Variants in ZNF407 observed in about 807,000 individuals in gnomAD.
ZNF407 encodes zinc finger protein 407.
ZNF407 carries 17 observed loss-of-function variants against 131.2 expected under a neutral mutation model. That is an observed-to-expected ratio of 0.13 (90% CI 0.09 to 0.19). The LOEUF (loss-of-function observed/expected upper bound fraction) is 0.19, where lower values mean the gene tolerates loss of function less well. Ranked by LOEUF, ZNF407 falls within the 10% of genes least tolerant of loss-of-function variation. The pLI is 1.00. For synonymous variants in ZNF407, 1,156 were observed against 1,062.0 expected (o/e 1.09, Z -1.72); for missense variants, 2,681 against 2,830.6 (o/e 0.95, Z 1.20).
chr18:74,743,150 A>G (rs1968589066), intron 3 of ZNF407, among the ~76,000 whole-genome samples: 2 of 152,122 alleles, frequency 1.3e-5, no homozygotes, highest in Admixed American at 1.3e-4. Context: ...AAAATAGAGA[A>G]CGCTGGAGAA....
intron 8 of ZNF407, among the ~76,000 whole-genome samples, chr18:74,953,516 T>C (rs1193994510): frequency 6.6e-6 from 1 of 152,206 alleles, no homozygotes; most frequent in Non-Finnish European, 1.5e-5. Context: ...TCCAGATTGC[T>C]AATTTCCCTT....
At chr18:74,989,156 C>T (rs1429956841) in intron 8 of ZNF407, among the ~76,000 whole-genome samples, 1 of 152,202 alleles carries the variant, frequency 6.6e-6, no homozygotes, top group Non-Finnish European at 1.5e-5. Flanking sequence ...GAACTAACAA[C>T]ATGGATGCGC....
At chr18:74,889,190 G>A (rs1479337940) in intron 6 of ZNF407, among the ~76,000 whole-genome samples, 2 of 152,170 alleles carry the variant, frequency 1.3e-5, no homozygotes, top group African/African-American at 4.8e-5. Flanking sequence ...TTGTGTAAGT[G>A]CATGCAGGAT....
In ZNF407 at chr18:74,630,918, C is replaced by T. The variant is rs975213375; in HGVS notation, c.-53-49C>T. The T allele has an allele frequency of 1.3e-5, 17 of 1,351,370 alleles. No individual in the cohort carries two copies. The Middle Eastern group carries it at 7.5e-4, about 59-fold the overall frequency. 83.7% of individuals were successfully genotyped at this position (1,351,370 alleles called of 1,614,324 possible). ...TTTTTCATCTAGTTTTAGACTAATA[C>T]GTGTGTCTTTATATTCAAGATTTAA... On this transcript the variant is annotated intron_variant, in intron 1 of 8. Coordinates refer to ENST00000299687, the MANE Select transcript of ZNF407 (RefSeq NM_017757.3).
At chr18:74,870,844 G>A (rs1332048499) in intron 4 of ZNF407, among the ~76,000 whole-genome samples, 3 of 152,048 alleles carry the variant, frequency 2.0e-5, no homozygotes, top group Admixed American at 6.5e-5. Context: ...ATTTAAGCAC[G>A]ATATATAGTA....
At chr18:74,754,118 T>G (rs1318854077) in intron 3 of ZNF407, among the ~76,000 whole-genome samples, 1 of 152,248 alleles carries the variant, frequency 6.6e-6, no homozygotes, top group Non-Finnish European at 1.5e-5. Context: ...TTCTAGATTT[T>G]CTAGTTTATT....
At chr18:74,900,710 C>T (rs574056824) in intron 7 of ZNF407, among the ~76,000 whole-genome samples, 5 of 152,208 alleles carry the variant, frequency 3.3e-5, no homozygotes, top group Admixed American at 6.5e-5. Context: ...TGAAGAGCAC[C>T]CAGTCATTTC....
At chr18:74,893,245 A>G (rs1971410136) in intron 7 of ZNF407, among the ~76,000 whole-genome samples, 1 of 152,196 alleles carries the variant, frequency 6.6e-6, no homozygotes, top group Non-Finnish European at 1.5e-5. Context: ...AAGACTTATG[A>G]CATTGAAATC....
intron 4 of ZNF407, among the ~76,000 whole-genome samples, chr18:74,848,066 A>G (rs938815040): frequency 1.3e-5 from 2 of 152,132 alleles, no homozygotes; most frequent in Non-Finnish European, 1.5e-5. Context: ...AGAAATTATT[A>G]CCTTGAAATC....
intron 8 of ZNF407, among the ~76,000 whole-genome samples, chr18:74,970,171 C>T (rs1274237023): frequency 2.6e-5 from 4 of 151,966 alleles, no homozygotes; most frequent in Admixed American, 6.6e-5. Flanking sequence ...ACCCCCGCCC[C>T]CCTCCAGTCC....
At chr18:75,055,859 A>G (rs558713725) in intron 8 of ZNF407, among the ~76,000 whole-genome samples, 67 of 152,282 alleles carry the variant, frequency 4.4e-4, no homozygotes, top group African/African-American at 1.6e-3. Flanking sequence ...TTTATTGTAA[A>G]TGTTCCTTCA....
intron 8 of ZNF407, among the ~76,000 whole-genome samples, chr18:74,922,900 G>A (rs1971865264): frequency 6.6e-6 from 1 of 152,194 alleles, no homozygotes; most frequent in Non-Finnish European, 1.5e-5. Flanking sequence ...CCTGAAAACT[G>A]CATTTTTACT....
intron 4 of ZNF407, among the ~76,000 whole-genome samples, chr18:74,830,263 T>C (rs540435839): frequency 2.6e-5 from 4 of 152,308 alleles, no homozygotes; most frequent in African/African-American, 9.6e-5. Context: ...ACCCACATTT[T>C]AACCTTTTTT....
At chr18:74,743,219 T>C (rs139900698) in intron 3 of ZNF407, among the ~76,000 whole-genome samples, 1 of 152,288 alleles carries the variant, frequency 6.6e-6, no homozygotes, top group East Asian at 1.9e-4. Flanking sequence ...ACATTTGGTT[T>C]AGTTGTGTTG....
intron 8 of ZNF407, among the ~76,000 whole-genome samples, chr18:75,014,889 A>G (rs1162779567): frequency 6.6e-6 from 1 of 152,134 alleles, no homozygotes; most frequent in Admixed American, 6.6e-5. Context: ...TTCCATGCCA[A>G]TGAGTTGGAA....
At chr18:74,648,331 T>TAGA (rs1985070671) in intron 3 of ZNF407, among the ~76,000 whole-genome samples, 1 of 150,138 alleles carries the variant, frequency 6.7e-6, no homozygotes, top group African/African-American at 2.4e-5. Flanking sequence ...TCAAGACTTC[T>TAGA]GGAGGCTGGA....
chr18:74,829,333 T>C (rs956731991), intron 4 of ZNF407, among the ~76,000 whole-genome samples: 12 of 152,250 alleles, frequency 7.9e-5, no homozygotes. Flanking sequence ...AGTACTGTTA[T>C]GAACCTACGA....
chr18:74,633,214 A>G lies in ZNF407; in HGVS notation c.2195A>G (p.Tyr732Cys), dbSNP rs768394141. ...ATAAAGCTTCGGCATGGTCAAGACT[A>G]TCATTTTCTTTGTAAAGCTTGTAAT... Reference protein sequence around the residue: ...RHIKLRHGQDYHFLCKACNLY... With the variant: ...RHIKLRHGQDCHFLCKACNLY... Residue 732 changes from tyrosine (Y) to cysteine (C), a missense_variant, in exon 2 of 9, where the codon TAT becomes TGT. Coordinates refer to ENST00000299687, the MANE Select transcript of ZNF407 (RefSeq NM_017757.3). 6.2e-6 allele frequency: 10 copies of G among 1,613,774 alleles called. No individual in the cohort carries two copies. The highest frequency in any genetic ancestry group is 5.0e-5 in the Admixed American group (3 of 59,988).
rs753727409 is a variant in ZNF407, at chr18:74,632,704, G to T, written c.1685G>T (p.Cys562Phe). The T allele has an allele frequency of 1.2e-6, 2 of 1,614,020 alleles. No homozygotes were observed. The highest frequency in any genetic ancestry group is 1.7e-6 in the Non-Finnish European group (2 of 1,179,902). Residue 562 changes from cysteine (C) to phenylalanine (F), a missense_variant, in exon 2 of 9, where the codon TGT becomes TTT. Around this residue, in one of 6 missense-constraint regions of ZNF407, gnomAD observed 1,789 missense variants for 1,748.7 expected, o/e 1.02. Transcript: ENST00000299687. ...AREMKFYCRT[C>F]DFSSMSRRDL... The stretch of plus-strand genomic sequence containing the variant: ...GAGATGAAATTTTACTGCCGTACTT[G>T]TGACTTCTCTAGTATGTCAAGAAGG...
Sources: gnomAD v4.1 joint callset for allele counts (sites outside exome capture counted in the v4.1 genomes callset) on GRCh38, gnomAD v4.1.1 for gene constraint, gnomAD v4.1.1 regional missense constraint, MANE v1.5 for transcripts, NCBI Gene and HGNC (gene_info 2026-07-23, HGNC 2026-07-21) for gene names.